The following SRPK2 variants were observed in gnomAD, a reference collection of about 807,000 sequenced individuals.
SRPK2 encodes SFRS protein kinase 2.
In SRPK2, 21 loss-of-function variants were observed where a neutral mutation model predicts 90.8. The ratio of observed to expected loss-of-function variants is 0.23; its 90% CI spans 0.16 to 0.33. The LOEUF (loss-of-function observed/expected upper bound fraction) is 0.33. SRPK2 is among the 10% of genes least tolerant of loss of function. The pLI is 1.00. For missense variants in SRPK2, 620 were observed against 869.0 expected (o/e 0.71, Z 3.60); for synonymous variants, 288 against 311.1 (o/e 0.93, Z 0.78).
intron 2 of SRPK2, among the ~76,000 whole-genome samples, chr7:105,364,191 TAATAA>T (rs1224367830): frequency 1.3e-5 from 2 of 152,142 alleles, no homozygotes; most frequent in Admixed American, 6.6e-5. Flanking sequence ...AATTAAAAAA[TAATAA>T]AATAATTTTT....
chr7:105,357,087 G>T (rs752480422), intron 2 of SRPK2, among the ~76,000 whole-genome samples: 29 of 151,104 alleles, frequency 1.9e-4, no homozygotes, highest in Non-Finnish European at 3.8e-4. Context: ...CCAGGCTGGA[G>T]TGCAGTGGTG....
At chr7:105,133,180 G>T in intron 11 of SRPK2, 76 bp from the exon 12 acceptor site, 1 of 1,344,180 alleles carries the variant, frequency 7.4e-7, no homozygotes, top group Non-Finnish European at 1.1e-6. Context: ...GTTTGCCAGG[G>T]TCAGTCTCCT....
At chr7:105,134,699 C>T (rs1802543108) in intron 11 of SRPK2, among the ~76,000 whole-genome samples, 1 of 152,210 alleles carries the variant, frequency 6.6e-6, no homozygotes, top group Non-Finnish European at 1.5e-5. Flanking sequence ...TGCAACTTGC[C>T]GTAAGGCAGT....
chr7:105,374,084 G>A (rs749383570), intron 2 of SRPK2, among the ~76,000 whole-genome samples: 33 of 151,868 alleles, frequency 2.2e-4, no homozygotes, highest in Non-Finnish European at 4.1e-4. Flanking sequence ...ATGCCACCAC[G>A]CCCAGCTAAT....
At chr7:105,170,588 G>A (rs950223118) in intron 3 of SRPK2, among the ~76,000 whole-genome samples, 1 of 151,512 alleles carries the variant, frequency 6.6e-6, no homozygotes, top group Non-Finnish European at 1.5e-5. Context: ...CAGCTACTCG[G>A]GAGGCTGATG....
chr7:105,181,728 G>A (rs1048811178), intron 3 of SRPK2, among the ~76,000 whole-genome samples: 1 of 152,024 alleles, frequency 6.6e-6, no homozygotes, highest in Non-Finnish European at 1.5e-5. Context: ...AGGATGGAGG[G>A]TGGAAGAACA....
chr7:105,334,544 C>T (rs1055480073), intron 2 of SRPK2, among the ~76,000 whole-genome samples: 16 of 151,578 alleles, frequency 1.1e-4, no homozygotes, highest in African/African-American at 3.9e-4. Flanking sequence ...TATTAAAATA[C>T]GTATACAGTT....
At chr7:105,229,817 A>C (rs1799206717) in intron 2 of SRPK2, among the ~76,000 whole-genome samples, 4 of 137,568 alleles carry the variant, frequency 2.9e-5, no homozygotes, top group Non-Finnish European at 3.1e-5. Flanking sequence ...GTGGGGGGGA[A>C]TGGGGGTGGG....
chr7:105,339,367 CT>C (rs1334634696), intron 2 of SRPK2, among the ~76,000 whole-genome samples: 1 of 152,146 alleles, frequency 6.6e-6, no homozygotes, highest in African/African-American at 2.4e-5. Flanking sequence ...TCCATAAGCA[CT>C]TATTAATTAT....
intron 2 of SRPK2, among the ~76,000 whole-genome samples, chr7:105,322,223 T>G (rs941188711): frequency 1.3e-5 from 2 of 152,154 alleles, no homozygotes; most frequent in African/African-American, 4.8e-5. Context: ...GAGACCCGCC[T>G]GGCCAACATG....
chr7:105,355,151 A>C (rs925140723), intron 2 of SRPK2, among the ~76,000 whole-genome samples: 2 of 152,168 alleles, frequency 1.3e-5, no homozygotes, highest in Admixed American at 1.3e-4. Context: ...CTGACATCTG[A>C]GTTGTTTCCA....
At chr7:105,223,607 G>C (rs1010157460) in intron 2 of SRPK2, among the ~76,000 whole-genome samples, 4 of 152,120 alleles carry the variant, frequency 2.6e-5, no homozygotes, top group Non-Finnish European at 5.9e-5. Context: ...ACCTCCCGGG[G>C]TTCCTCTTGT....
intron 2 of SRPK2, among the ~76,000 whole-genome samples, chr7:105,243,415 T>C (rs575366192): frequency 6.6e-6 from 1 of 152,326 alleles, no homozygotes; most frequent in South Asian, 2.1e-4. Context: ...AAGTCATTTG[T>C]AATCCCAACA....
chr7:105,120,548 G>A lies in SRPK2; in HGVS notation c.1916-2526C>T, dbSNP rs186116162. Among the ~76,000 whole-genome samples the A allele has an allele frequency of 2.6e-4, 39 of 152,164 alleles. No individual in the cohort carries two copies. The East Asian group carries it at 7.3e-3, about 29-fold the overall frequency. ...CTACTTTTAACAAGGTAAAGACTGT[G>A]CAAAGAAGCAGTCTATAAACAACAG... On this transcript the variant is annotated intron_variant, in intron 15 of 15. Coordinates refer to ENST00000393651, the MANE Select transcript of SRPK2 (RefSeq NM_182692.3).
intron 2 of SRPK2, among the ~76,000 whole-genome samples, chr7:105,256,112 A>C (rs559369117): frequency 6.6e-6 from 1 of 152,342 alleles, no homozygotes; most frequent in African/African-American, 2.4e-5. Context: ...ACCTGTGAGC[A>C]TCAAGATAAT....
At chr7:105,194,697 ATT>A (rs1173897293) in intron 3 of SRPK2, among the ~76,000 whole-genome samples, 2 of 152,230 alleles carry the variant, frequency 1.3e-5, no homozygotes, top group Non-Finnish European at 2.9e-5. Context: ...CTGACTCTGA[ATT>A]TATACAAAAT....
At chr7:105,395,321 C>T (rs555984797) in intron 1 of SRPK2, among the ~76,000 whole-genome samples, 1 of 151,698 alleles carries the variant, frequency 6.6e-6, no homozygotes, top group African/African-American at 2.4e-5. Flanking sequence ...GAGACCCCCC[C>T]ACCTCTATCA....
chr7:105,123,409 C>G (rs111424364), intron 15 of SRPK2, among the ~76,000 whole-genome samples: 2 of 152,056 alleles, frequency 1.3e-5, no homozygotes, highest in African/African-American at 2.4e-5. Flanking sequence ...GGAGAAAGAG[C>G]GGGAAAACCT....
At chr7:105,302,633 G>T (rs1447143967) in intron 2 of SRPK2, among the ~76,000 whole-genome samples, 1 of 151,978 alleles carries the variant, frequency 6.6e-6, no homozygotes, top group Admixed American at 6.6e-5. Flanking sequence ...TTTAATTTTT[G>T]AAAGGTGAAC....
Sources: gnomAD v4.1 joint callset for allele counts (sites outside exome capture counted in the v4.1 genomes callset) on GRCh38, gnomAD v4.1.1 for gene constraint, MANE v1.5 for transcripts, NCBI Gene and HGNC (gene_info 2026-07-23, HGNC 2026-07-21) for gene names.